Variants in RCCD1 observed in about 807,000 individuals in gnomAD.
RCCD1 encodes RCC1 domain containing 1, also known as RCC1 domain-containing protein 1.
A neutral mutation model predicts 37.6 loss-of-function variants in RCCD1; 40 were observed. The ratio of observed to expected loss-of-function variants is 1.06; its 90% confidence interval spans 0.83 to 1.39. The LOEUF (loss-of-function observed/expected upper bound fraction) is 1.39. RCCD1 is among the 40% of genes most tolerant of loss of function. The pLI is 0.00. For synonymous variants in RCCD1, 263 were observed against 230.0 expected, an observed-to-expected ratio of 1.14 and a Z score of -1.30; for missense variants, 577 against 517.3, an observed-to-expected ratio of 1.12 and a Z score of -1.12.
chr15:90,959,713 A>G (rs1007619862), intron 4 of RCCD1, 187 bp from the exon 5 acceptor site: 3 of 472,872 alleles, frequency 6.3e-6, no homozygotes, highest in African/African-American at 3.9e-5. Context: ...GGGTGATCTG[A>G]AGGCATTGAG....
At chr15:90,960,992 A>G (rs1034282109) in intron 6 of RCCD1, 33 bp from the exon 7 acceptor site, 1 of 1,612,762 alleles carries the variant, frequency 6.2e-7, no homozygotes, top group Non-Finnish European at 8.5e-7. Flanking sequence ...AAAGAACCGT[A>G]GTGACAACTA....
At position 90,961,765 on chromosome 15, in the gene RCCD1, G is replaced by A. The variant is rs1244067236; in HGVS notation, c.1127G>A (p.Ser376Asn). 1 of 1,613,210 alleles carries A rather than the reference G, an allele frequency of 6.2e-7. No homozygotes were observed. Among genetic ancestry groups the A allele is most frequent in the Admixed American group, 1.7e-5 (1 of 59,932 alleles). ...TYVYAVEKGK[S>N] ...GTGTATGCTGTGGAGAAAGGGAAGAGCTGACATGTGTACGTATATGTATAT... is the reference window on the plus strand; with the variant it reads ...GTGTATGCTGTGGAGAAAGGGAAGAACTGACATGTGTACGTATATGTATAT... The change falls in exon 8 of 8, where the codon AGC (serine) becomes AAC (asparagine). Residue 376 changes from serine to asparagine, a missense_variant. Ser to Asn is a conservative substitution (Grantham distance 46). Transcript: ENST00000394258.
Position 90,961,800 on chromosome 15 carries a change from G to C in RCCD1, c.*31G>C. 1 of 1,594,966 alleles carries C rather than the reference G, an allele frequency of 6.3e-7. No individual in the cohort carries two copies. Among genetic ancestry groups the C allele is most frequent in the African/African-American group, 1.3e-5 (1 of 74,498 alleles). ...GTACGTATATGTATATGCAACACCT[G>C]TGAGACCCCCATTCAGGTCAAGGAA... On this transcript the variant is annotated 3_prime_UTR_variant, in exon 8 of 8. Coordinates refer to ENST00000394258, the MANE Select transcript of RCCD1 (RefSeq NM_001017919.2).
rs1028328883 is a variant in RCCD1 at position 90,957,776 on chromosome 15, T to A, written c.679+51T>A. 3 of 1,541,976 alleles carry A rather than the reference T, an allele frequency of 1.9e-6. No individual in the cohort carries two copies. In the African/African-American group the frequency reaches 4.1e-5, roughly 21 times the overall value. ...CGAGCTCATGATCTTGTGCAAACCT[T>A]CCTCCTCGTTTTCCAGTTTGGGTGG... On this transcript the variant is annotated intron_variant, in intron 4 of 7. Transcript: ENST00000394258.
In RCCD1 at chr15:90,957,245, C is replaced by A. The variant is rs202063703; in HGVS notation, c.299C>A (p.Ala100Glu). ...CCGGAGGCGTTACTGCAGGTCTGGG[C>A]GGCCGAATCGGCGCTGCGTGGGGAG... ...PGPEALLQVW[A>E]AESALRGEPL... Residue 100 changes from alanine to glutamate, a missense_variant, in exon 3 of 8, where the codon GCG becomes GAG. Ala to Glu is a moderately radical substitution (Grantham distance 107, BLOSUM62 -1). Coordinates refer to ENST00000394258, the MANE Select transcript of RCCD1 (RefSeq NM_001017919.2). The A allele has an allele frequency of 1.7e-5, 25 of 1,467,676 alleles. No individual in the cohort carries two copies. In the East Asian group the frequency reaches 3.9e-4, roughly 23 times the overall value. The allele number at this position is 1,467,676 out of a possible 1,614,324, so 90.9% of individuals were successfully genotyped here.
In RCCD1 at chr15:90,957,634, G is replaced by A; in HGVS notation, c.588G>A (p.Glu196=). The A allele has an allele frequency of 1.2e-6, 2 of 1,614,210 alleles. No individual in the cohort carries two copies. The highest frequency in any genetic ancestry group is 1.1e-5 in the South Asian group (1 of 91,090). Reference sequence around the variant, plus strand: ...GACAGCTGGGCCATGGGACCCTGGAGGCAGAGCTGGAGCCACGGCTGTTGG... The same window carrying A: ...GACAGCTGGGCCATGGGACCCTGGAAGCAGAGCTGGAGCCACGGCTGTTGG... The part of the protein sequence containing the change: ...RHGQLGHGTL[E]AELEPRLLEA... The change falls in exon 4 of 8, where the codon GAG becomes GAA. Residue 196 remains glutamate (E), a synonymous_variant. Transcript: ENST00000394258.
At position 90,957,071 on chromosome 15, in the gene RCCD1, G is replaced by A. The variant is rs1029591152; in HGVS notation, c.167-42G>A. 2.5e-5 allele frequency: 33 copies of A among 1,299,120 alleles called. No homozygotes were observed. In the East Asian group the frequency reaches 8.8e-4, roughly 35 times the overall value. The allele number at this position is 1,299,120 out of a possible 1,614,324, so 80.5% of individuals were successfully genotyped here. A position where few individuals can be genotyped will look rare whatever the true frequency, so the allele number is the denominator to read the frequency against. On this transcript the variant is annotated intron_variant, in intron 2 of 7. Coordinates refer to ENST00000394258, the MANE Select transcript of RCCD1 (RefSeq NM_001017919.2). Reference sequence around the variant, plus strand: ...GGAACACCCCGCTCCCCCCATCCCCGCCGCCTCCATTCTGGCCACCCTGCT... The same window carrying A: ...GGAACACCCCGCTCCCCCCATCCCCACCGCCTCCATTCTGGCCACCCTGCT...
At chr15:90,961,429 T>G in intron 7 of RCCD1, 189 bp from the exon 8 acceptor site, 1 of 613,876 alleles carries the variant, frequency 1.6e-6, no homozygotes, top group Non-Finnish European at 2.8e-6. Flanking sequence ...AGGAGCGTCT[T>G]GCCTGGAGTG....
intron 6 of RCCD1, 180 bp downstream of exon 6, chr15:90,960,678 A>G: frequency 1.6e-6 from 1 of 643,074 alleles, no homozygotes; most frequent in Non-Finnish European, 2.7e-6. Flanking sequence ...TGTCAGGCCC[A>G]GAAGTTTCTT....
intron 7 of RCCD1, 43 bp from the exon 8 acceptor site, chr15:90,961,575 A>G (rs1338800106): frequency 1.3e-6 from 2 of 1,583,200 alleles, no homozygotes; most frequent in Non-Finnish European, 1.7e-6. Flanking sequence ...AGCAGCAGCA[A>G]GACCCAGTGG....
chr15:90,956,879 A>G lies in RCCD1; in HGVS notation c.145A>G (p.Ser49Gly), dbSNP rs2037206684. ...CATCTGCCGCGTGAGCGCGAGCTGGAGCTACACCGCTTTCGTGACCCGTGA... is the reference window on the plus strand; with the variant it reads ...CATCTGCCGCGTGAGCGCGAGCTGGGGCTACACCGCTTTCGTGACCCGTGA... Reference protein sequence around the residue: ...VDICRVSASWSYTAFVTRGGR... With the variant: ...VDICRVSASWGYTAFVTRGGR... Residue 49 changes from serine to glycine, a missense_variant, in exon 2 of 8, where the codon AGC becomes GGC. By Grantham distance (56) the Ser-to-Gly change is moderately conservative. Transcript: ENST00000394258. 7.7e-7 allele frequency: 1 copy of G among 1,291,348 alleles called. No individual in the cohort carries two copies. The highest frequency in any genetic ancestry group is 9.8e-7 in the Non-Finnish European group (1 of 1,019,856). The allele number at this position is 1,291,348 out of a possible 1,614,324, so 80.0% of individuals were successfully genotyped here.
In RCCD1 at chr15:90,963,036, C is replaced by T. The variant is rs371164275; in HGVS notation, c.*1267C>T. The T allele has an allele frequency of 1.3e-4, 20 of 152,170 alleles. No individual in the cohort carries two copies. Among genetic ancestry groups the T allele is most frequent in the African/African-American group, 4.8e-4 (20 of 41,420 alleles). The allele number at this position is 152,170 out of a possible 1,614,324, so 9.4% of individuals were successfully genotyped here. A position where few individuals can be genotyped will look rare whatever the true frequency, so the allele number is the denominator to read the frequency against. On this transcript the variant is annotated 3_prime_UTR_variant, in exon 8 of 8. Coordinates refer to ENST00000394258, the MANE Select transcript of RCCD1 (RefSeq NM_001017919.2). ...TGTCTGTGGTTTAGCAAATGTTTCCCACCCATGGGGTCTTTTTTATTGTGG... is the reference window on the plus strand; with the variant it reads ...TGTCTGTGGTTTAGCAAATGTTTCCTACCCATGGGGTCTTTTTTATTGTGG...
chr15:90,959,713 A>T (rs1007619862), intron 4 of RCCD1, 187 bp from the exon 5 acceptor site: 1 of 472,990 alleles, frequency 2.1e-6, no homozygotes. Flanking sequence ...GGGTGATCTG[A>T]AGGCATTGAG....
chr15:90,960,132 C>T, intron 5 of RCCD1, 134 bp downstream of exon 5: 1 of 930,500 alleles, frequency 1.1e-6, no homozygotes, highest in Non-Finnish European at 1.6e-6. Context: ...GGAGCATTGG[C>T]AAGGCTGATG....
chr15:90,962,041 T>G lies in RCCD1; in HGVS notation c.*272T>G. ...GTGTGTGGCCTGGATAGTGGTAGAT[T>G]CAAAGCTCCACCCACCTCATCCCAG... On this transcript the variant is annotated 3_prime_UTR_variant, in exon 8 of 8. Coordinates refer to ENST00000394258, the MANE Select transcript of RCCD1 (RefSeq NM_001017919.2). 1 of 241,258 alleles carries G rather than the reference T, an allele frequency of 4.1e-6. No homozygotes were observed. Among genetic ancestry groups the G allele is most frequent in the Non-Finnish European group, 8.0e-6 (1 of 124,236 alleles). The allele number at this position is 241,258 out of a possible 1,614,324, so 14.9% of individuals were successfully genotyped here.
At chr15:90,957,020 T>C in intron 2 of RCCD1, 93 bp from the exon 3 acceptor site, 1 of 1,286,544 alleles carries the variant, frequency 7.8e-7, no homozygotes, top group Non-Finnish European at 9.9e-7. Context: ...ACATTCTGGG[T>C]TGGTCCCCAA....
At chr15:90,958,052 A>G (rs533286509) in intron 4 of RCCD1, among the ~76,000 whole-genome samples, 2 of 152,338 alleles carry the variant, frequency 1.3e-5, no homozygotes, top group East Asian at 3.9e-4. Context: ...CAGCTGAGCC[A>G]AGGAAAACGC....
chr15:90,961,646 C>T lies in RCCD1; in HGVS notation c.1008C>T (p.Asp336=), dbSNP rs899495634. ...AATATGGACAGCTGGGCCACGAGGACACCACCAGCTTGGATCGGCCTCGCC... is the reference window on the plus strand; with the variant it reads ...AATATGGACAGCTGGGCCACGAGGATACCACCAGCTTGGATCGGCCTCGCC... The part of the protein sequence containing the change: ...WGKYGQLGHE[D]TTSLDRPRRV... The change falls in exon 8 of 8, where the codon GAC becomes GAT. Residue 336 remains aspartate (D), a synonymous_variant. Transcript: ENST00000394258. The T allele has an allele frequency of 6.2e-7, 1 of 1,613,884 alleles. No homozygotes were observed. Among genetic ancestry groups the T allele is most frequent in the Non-Finnish European group, 8.5e-7 (1 of 1,179,892 alleles).
chr15:90,959,120 G>C (rs528388870), intron 4 of RCCD1, among the ~76,000 whole-genome samples: 1 of 152,182 alleles, frequency 6.6e-6, no homozygotes, highest in South Asian at 2.1e-4. Context: ...ATCATTGCTC[G>C]GGCCCTGGGA....
Sources: allele counts gnomAD v4.1 joint callset (sites outside exome capture counted in the v4.1 genomes callset), GRCh38; gene constraint gnomAD v4.1.1; transcripts MANE v1.5; gene names NCBI Gene and HGNC (gene_info 2026-07-23, HGNC 2026-07-21).